SLC43A2: variants seen among roughly 807,000 people sequenced by gnomAD.
SLC43A2 encodes solute carrier family 43 member 2.
Under a neutral mutation model 63.2 loss-of-function variants are expected in SLC43A2, and 38 were observed. That is an observed-to-expected ratio of 0.60 (90% CI 0.46 to 0.79). The LOEUF (loss-of-function observed/expected upper bound fraction) is 0.79, where lower values mean the gene tolerates loss of function less well. SLC43A2 is among the 30% of genes least tolerant of loss of function. SLC43A2 has a pLI of 0.00. For missense variants in SLC43A2, 644 were observed against 756.2 expected (o/e 0.85, Z 1.74); for synonymous variants, 322 against 331.0 (o/e 0.97, Z 0.30).
chr17:1,591,718 AC>A lies in SLC43A2; in HGVS notation c.595-20del. ...AGATGAGCTGACAGGCACCGCGGGG[AC>A]GGGGTGGGGGGGGGAGGGGGCAGAG... On this transcript the variant is annotated intron_variant, in intron 6 of 13. Coordinates refer to ENST00000301335, the MANE Select transcript of SLC43A2 (RefSeq NM_152346.3). The A allele has an allele frequency of 4.3e-5, 5 of 116,028 alleles. No homozygotes were observed. The highest frequency in any genetic ancestry group is 1.0e-4 in the East Asian group (1 of 9,638). The allele number at this position is 116,028 out of a possible 1,614,324, so 7.2% of individuals were successfully genotyped here. A position where few individuals can be genotyped will look rare whatever the true frequency, so the allele number is the denominator to read the frequency against.
At chr17:1,619,051 T>C (rs1426314672) in intron 2 of SLC43A2, among the ~76,000 whole-genome samples, 1 of 151,030 alleles carries the variant, frequency 6.6e-6, no homozygotes, top group African/African-American at 2.4e-5. Flanking sequence ...CAGTCTGTAA[T>C]CCCAGCCCTT....
intron 5 of SLC43A2, among the ~76,000 whole-genome samples, chr17:1,594,414 G>A (rs1038741551): frequency 6.6e-6 from 1 of 152,148 alleles, no homozygotes; most frequent in Non-Finnish European, 1.5e-5. Context: ...ACATCACACT[G>A]TGTGTAGCAA....
chr17:1,593,543 C>T lies in SLC43A2; in HGVS notation c.502-264G>A, dbSNP rs1378395843. Among the ~76,000 whole-genome samples the T allele has an allele frequency of 1.3e-5, 2 of 152,188 alleles. No homozygotes were observed. Among genetic ancestry groups the T allele is most frequent in the African/African-American group, 4.8e-5 (2 of 41,454 alleles). ...CCGGCTGGCAACCCTCCCTATCTCT[C>T]TGCTCCTGGCAGAGCCCAGGAGCCT... is the stretch of plus-strand genomic sequence containing the variant. On this transcript the variant is annotated intron_variant, in intron 5 of 13. Coordinates refer to ENST00000301335, the MANE Select transcript of SLC43A2 (RefSeq NM_152346.3). The surrounding 1 kb of genome is among the most constrained non-coding windows in gnomAD (Gnocchi z 5.3).
At position 1,576,666 on chromosome 17, in the gene SLC43A2, C is replaced by G. The variant is rs773629653; in HGVS notation, c.1479G>C (p.Ala493=). ...GCGGCTGCTGCAGAAGGGCGAAGAG[C>G]GCGCTGATCAGAGACTGCAGTCCCG... is the stretch of plus-strand genomic sequence containing the variant. ...SLTGLQSLIS[A]LFALLQQPLF... The change falls in exon 13 of 14, where the codon GCG becomes GCC. Residue 493 remains alanine, a synonymous_variant. Transcript: ENST00000301335. 1 of 1,610,890 alleles carries G rather than the reference C, an allele frequency of 6.2e-7. No individual in the cohort carries two copies. The highest frequency in any genetic ancestry group is 1.3e-5 in the African/African-American group (1 of 74,932).
Position 1,604,883 on chromosome 17 carries a change from C to T in SLC43A2, c.501+8312G>A. On this transcript the variant is annotated intron_variant, in intron 5 of 13. Transcript: ENST00000301335. ...CCCCTCTCGCTCACTCCGTCCCCAGCTTCCCTGCCTCCACCGGTCTCAGCT... is the reference window on the plus strand; with the variant it reads ...CCCCTCTCGCTCACTCCGTCCCCAGTTTCCCTGCCTCCACCGGTCTCAGCT... 2.6e-6 allele frequency: 4 copies of T among 1,535,300 alleles called. No homozygotes were observed. In the South Asian group the frequency reaches 4.8e-5, roughly 18 times the overall value.
intron 11 of SLC43A2, among the ~76,000 whole-genome samples, chr17:1,579,005 G>A (rs1006863056): frequency 2.6e-5 from 4 of 151,944 alleles, no homozygotes; most frequent in Admixed American, 2.6e-4. Flanking sequence ...GCTGGGCGTG[G>A]TGGTGGGCAC....
intron 9 of SLC43A2, chr17:1,586,930 C>CCCCCCCCCCCCCCCAA: frequency 6.4e-6 from 5 of 783,188 alleles, no homozygotes; most frequent in South Asian, 1.5e-5. Flanking sequence ...CCTGACAATC[C>CCCCCCCCCCCCCCCAA]CCCCCACCCC....
At chr17:1,619,819 T>C (rs1249966785) in intron 2 of SLC43A2, among the ~76,000 whole-genome samples, 2 of 152,120 alleles carry the variant, frequency 1.3e-5, no homozygotes, top group Non-Finnish European at 2.9e-5. Flanking sequence ...AGAGGATGGA[T>C]GGAGAGAGCA....
At chr17:1,594,742 C>T (rs559714793) in intron 5 of SLC43A2, among the ~76,000 whole-genome samples, 8 of 151,586 alleles carry the variant, frequency 5.3e-5, no homozygotes, top group Admixed American at 2.6e-4. Flanking sequence ...CGCCCGCCAC[C>T]ACACCCGGCT....
chr17:1,573,320 G>C lies in SLC43A2; in HGVS notation c.*2284C>G, dbSNP rs1213103751. ...AGTCACCGGTCAGCGGCAAGACCTG[G>C]AGTCTCCATTTGGAACCAGCACCCG... is the stretch of plus-strand genomic sequence containing the variant. On this transcript the variant is annotated 3_prime_UTR_variant, in exon 14 of 14. Transcript: ENST00000301335. 2 of 152,266 alleles carry C rather than the reference G, an allele frequency of 1.3e-5. No homozygotes were observed. The highest frequency in any genetic ancestry group is 2.4e-5 in the African/African-American group (1 of 41,436). 9.4% of individuals were successfully genotyped at this position (152,266 alleles called of 1,614,324 possible). A position where few individuals can be genotyped will look rare whatever the true frequency, so the allele number is the denominator to read the frequency against.
intron 3 of SLC43A2, among the ~76,000 whole-genome samples, chr17:1,615,669 C>T (rs1249782793): frequency 1.3e-5 from 2 of 149,738 alleles, no homozygotes; most frequent in South Asian, 2.1e-4. Context: ...CAGTGAAACC[C>T]CGTCTCTACT....
intron 11 of SLC43A2, among the ~76,000 whole-genome samples, chr17:1,582,405 C>T (rs1447973492): frequency 6.6e-6 from 1 of 152,182 alleles, no homozygotes; most frequent in Non-Finnish European, 1.5e-5. Flanking sequence ...AGATATGAAG[C>T]CACCATCAAG....
rs777917166 is a variant in SLC43A2 at position 1,571,471 on chromosome 17, C to T, written c.*4133G>A. Reference sequence around the variant, plus strand: ...CCCACAACCCCTCCCAGCTGCATATCGGCTCACATTCACGCGGCTGCCACA... The same window carrying T: ...CCCACAACCCCTCCCAGCTGCATATTGGCTCACATTCACGCGGCTGCCACA... On this transcript the variant is annotated 3_prime_UTR_variant, in exon 14 of 14. Coordinates refer to ENST00000301335, the MANE Select transcript of SLC43A2 (RefSeq NM_152346.3). This position sits in a 1 kb window ranked among gnomAD's most constrained non-coding sequence, Gnocchi z 5.2. 4 of 152,264 alleles carry T rather than the reference C, an allele frequency of 2.6e-5. No individual in the cohort carries two copies. The highest frequency in any genetic ancestry group is 1.9e-4 in the East Asian group (1 of 5,192). The allele number at this position is 152,264 out of a possible 1,614,324, so 9.4% of individuals were successfully genotyped here. A position where few individuals can be genotyped will look rare whatever the true frequency, so the allele number is the denominator to read the frequency against.
intron 4 of SLC43A2, among the ~76,000 whole-genome samples, chr17:1,614,502 C>A (rs1372980502): frequency 6.6e-6 from 1 of 152,134 alleles, no homozygotes; most frequent in East Asian, 1.9e-4. Flanking sequence ...TCCTGAAAAT[C>A]AGTAGATGAG....
At chr17:1,580,880 G>A (rs1170166862) in intron 11 of SLC43A2, among the ~76,000 whole-genome samples, 1 of 152,088 alleles carries the variant, frequency 6.6e-6, no homozygotes, top group African/African-American at 2.4e-5. Flanking sequence ...TGGGACTACA[G>A]GTGCACTCCA....
intron 2 of SLC43A2, among the ~76,000 whole-genome samples, chr17:1,617,851 A>G (rs2151077146): frequency 6.6e-6 from 1 of 152,294 alleles, no homozygotes; most frequent in Non-Finnish European, 1.5e-5. Context: ...AGAAAGGAAG[A>G]GAAAAGTGCT....
intron 2 of SLC43A2, among the ~76,000 whole-genome samples, chr17:1,619,693 A>C (rs961945687): frequency 2.0e-5 from 3 of 152,236 alleles, no homozygotes; most frequent in Non-Finnish European, 2.9e-5. Flanking sequence ...TTCAAATGTC[A>C]GCTCTGCCAG....
In SLC43A2 at chr17:1,611,716, G is replaced by A. The variant is rs560549062; in HGVS notation, c.501+1479C>T. On this transcript the variant is annotated intron_variant, in intron 5 of 13. Transcript: ENST00000301335. ...CTAAACAAGAACCCTTCAATGGCAC[G>A]ACAAGGGAAATCAGAAACCAGAGTG... Among the ~76,000 whole-genome samples, 18 of 152,052 alleles carry A rather than the reference G, an allele frequency of 1.2e-4. No homozygotes were observed. The South Asian group carries it at 2.9e-3, about 25-fold the overall frequency.
At chr17:1,594,231 C>G (rs1905075443) in intron 5 of SLC43A2, among the ~76,000 whole-genome samples, 1 of 152,162 alleles carries the variant, frequency 6.6e-6, no homozygotes, top group Non-Finnish European at 1.5e-5. Flanking sequence ...GGTCCGGGCT[C>G]TCTTCCCAAC....
Sources: gnomAD v4.1 joint callset for allele counts (sites outside exome capture counted in the v4.1 genomes callset) on GRCh38, gnomAD v4.1.1 for gene constraint, Gnocchi (gnomAD v3.1) non-coding constraint, MANE v1.5 for transcripts, NCBI Gene and HGNC (gene_info 2026-07-23, HGNC 2026-07-21) for gene names.